TLE4: variants seen among roughly 807,000 people sequenced by gnomAD.
TLE4 encodes the protein transducin-like enhancer protein 4.
In TLE4, 8 loss-of-function variants were observed where a neutral mutation model predicts 92.8. The ratio of observed to expected loss-of-function variants is 0.09; its 90% CI spans 0.05 to 0.16. TLE4 has a LOEUF of 0.16. Ranked by LOEUF, TLE4 falls within the 10% of genes least tolerant of loss-of-function variation. TLE4 has a pLI of 1.00. For missense variants in TLE4, 675 were observed against 997.6 expected (o/e 0.68, Z 4.36); for synonymous variants, 371 against 374.1 (o/e 0.99, Z 0.10).
chr9:79,724,183 A>G (rs989157884), intron 19 of TLE4, among the ~76,000 whole-genome samples: 3 of 147,726 alleles, frequency 2.0e-5, no homozygotes, highest in Non-Finnish European at 4.5e-5. Flanking sequence ...TTTTTTTTTT[A>G]ATGTATTCTC....
chr9:79,696,012 G>T (rs1469494785), intron 8 of TLE4, among the ~76,000 whole-genome samples: 2 of 152,164 alleles, frequency 1.3e-5, no homozygotes, highest in Admixed American at 1.3e-4. Context: ...GTGACTCTGA[G>T]AACTTTTAGA....
chr9:79,601,033 G>C (rs1381650849), intron 4 of TLE4, among the ~76,000 whole-genome samples: 1 of 152,174 alleles, frequency 6.6e-6, no homozygotes, highest in Non-Finnish European at 1.5e-5. Flanking sequence ...TCAGTCCAGT[G>C]GGTCAGGTGA....
intron 12 of TLE4, 100 bp from the exon 13 acceptor site, chr9:79,708,493 C>A: frequency 8.1e-7 from 1 of 1,233,124 alleles, no homozygotes; most frequent in Non-Finnish European, 1.1e-6. Flanking sequence ...TTAAAATAAG[C>A]TCATTTGAAC....
At chr9:79,620,609 C>T (rs547828835) in intron 5 of TLE4, among the ~76,000 whole-genome samples, 34 of 152,224 alleles carry the variant, frequency 2.2e-4, no homozygotes, top group African/African-American at 2.9e-4. Context: ...TGCAGTTTAC[C>T]GGGTATTTGC....
At chr9:79,579,770 A>G (rs915473261) in intron 4 of TLE4, among the ~76,000 whole-genome samples, 10 of 152,194 alleles carry the variant, frequency 6.6e-5, no homozygotes, top group Non-Finnish European at 2.9e-5. Flanking sequence ...GGCCACAACC[A>G]TTTGAGTGCT....
At chr9:79,701,910 TA>T (rs2070021144) in intron 8 of TLE4, among the ~76,000 whole-genome samples, 1 of 152,190 alleles carries the variant, frequency 6.6e-6, no homozygotes, top group Non-Finnish European at 1.5e-5. Flanking sequence ...AACACAGCAA[TA>T]AATTTGTTGT....
At chr9:79,626,589 A>G (rs866845251) in intron 5 of TLE4, among the ~76,000 whole-genome samples, 8 of 152,164 alleles carry the variant, frequency 5.3e-5, no homozygotes, top group Non-Finnish European at 1.2e-4. Flanking sequence ...CTAGATATAT[A>G]TGAGTGCCCC....
At chr9:79,700,742 C>G (rs2135777819) in intron 8 of TLE4, among the ~76,000 whole-genome samples, 1 of 152,036 alleles carries the variant, frequency 6.6e-6, no homozygotes, top group South Asian at 2.1e-4. Context: ...TTTTAAAATC[C>G]AGAGCTTTAC....
intron 4 of TLE4, among the ~76,000 whole-genome samples, chr9:79,596,926 C>T (rs1362440875): frequency 1.3e-5 from 2 of 152,178 alleles, no homozygotes; most frequent in East Asian, 1.9e-4. Flanking sequence ...CTGTATAGTT[C>T]GTAATATTTG....
chr9:79,611,300 T>C (rs1487055502), intron 4 of TLE4, among the ~76,000 whole-genome samples: 1 of 152,088 alleles, frequency 6.6e-6, no homozygotes, highest in Non-Finnish European at 1.5e-5. Context: ...TGGGTCCTTA[T>C]TCACTGCAGC....
chr9:79,650,157 C>T (rs2058727514), intron 6 of TLE4, among the ~76,000 whole-genome samples: 2 of 152,086 alleles, frequency 1.3e-5, no homozygotes, highest in South Asian at 4.1e-4. Flanking sequence ...CTCAAGTGAT[C>T]TGACCGCCTC....
rs368845337 is a variant in TLE4 at position 79,668,287 on chromosome 9, GA to G, written c.609+14214del. 3.3e-4 allele frequency among the ~76,000 whole-genome samples: 50 copies of G among 152,328 alleles called. No homozygotes were observed. The East Asian group carries it at 6.0e-3, about 18-fold the overall frequency. On this transcript the variant is annotated intron_variant, in intron 8 of 19. Coordinates refer to ENST00000376552, the MANE Select transcript of TLE4 (RefSeq NM_007005.6). ...TGGGTTGTTTGCTTTGACTTTTGTTGAACTGTTGACAAAAGCATTAGATACA... is the reference window on the plus strand; with the variant it reads ...TGGGTTGTTTGCTTTGACTTTTGTTGACTGTTGACAAAAGCATTAGATACA...
chr9:79,628,684 A>G (rs1030873184), intron 6 of TLE4, among the ~76,000 whole-genome samples: 1 of 152,182 alleles, frequency 6.6e-6, no homozygotes, highest in African/African-American at 2.4e-5. Context: ...CTTGGAAACA[A>G]GAGGCTGAAT....
intron 4 of TLE4, 91 bp downstream of exon 4, chr9:79,576,268 G>A: frequency 1.1e-6 from 1 of 928,900 alleles, no homozygotes; most frequent in Non-Finnish European, 1.6e-6. Context: ...TATTCTGCAA[G>A]CCGTTGTGGC....
intron 8 of TLE4, among the ~76,000 whole-genome samples, chr9:79,662,785 G>C (rs959883939): frequency 1.3e-5 from 2 of 152,206 alleles, no homozygotes; most frequent in African/African-American, 4.8e-5. Flanking sequence ...GCATAAAGGA[G>C]CAGAGTAAAT....
At chr9:79,613,025 T>C (rs1392809520) in intron 5 of TLE4, among the ~76,000 whole-genome samples, 1 of 152,094 alleles carries the variant, frequency 6.6e-6, no homozygotes, top group African/African-American at 2.4e-5. Context: ...TGGTACCTAA[T>C]AGGGTAGACT....
chr9:79,616,440 T>C (rs2049630778), intron 5 of TLE4, among the ~76,000 whole-genome samples: 1 of 152,186 alleles, frequency 6.6e-6, no homozygotes, highest in South Asian at 2.1e-4. Flanking sequence ...TGGGATTAAC[T>C]ACAGTAGCAG....
chr9:79,698,138 A>G (rs745853285), intron 8 of TLE4, among the ~76,000 whole-genome samples: 20 of 152,306 alleles, frequency 1.3e-4, no homozygotes, highest in Admixed American at 5.2e-4. Flanking sequence ...CGTCTTACCT[A>G]CTGGAGAAAT....
intron 4 of TLE4, among the ~76,000 whole-genome samples, chr9:79,606,007 TTAAC>T (rs2046758956): frequency 6.6e-6 from 1 of 151,900 alleles, no homozygotes; most frequent in Admixed American, 6.6e-5. Context: ...ATGATACAAA[TTAAC>T]TACTCTGTTA....
Sources: allele counts gnomAD v4.1 joint callset (sites outside exome capture counted in the v4.1 genomes callset), GRCh38; gene constraint gnomAD v4.1.1; transcripts MANE v1.5; gene names NCBI Gene and HGNC (gene_info 2026-07-23, HGNC 2026-07-21).